L3MBTL1: variants seen among roughly 807,000 people sequenced by gnomAD.
The protein encoded by L3MBTL1 is lethal(3)malignant brain tumor-like protein 1.
In L3MBTL1, 75 loss-of-function variants were observed where a neutral mutation model predicts 105.3. That is an observed-to-expected ratio of 0.71 (90% CI 0.59 to 0.86). The LOEUF (loss-of-function observed/expected upper bound fraction) is 0.86. L3MBTL1 is among the 40% of genes least tolerant of loss of function. The pLI is 0.00. For missense variants in L3MBTL1, 1,069 were observed against 1,126.4 expected, an observed-to-expected ratio of 0.95 and a Z score of 0.73; for synonymous variants, 452 against 436.2, an observed-to-expected ratio of 1.04 and a Z score of -0.45.
chr20:43,516,249 G>A (rs1327255754), intron 7 of L3MBTL1, 72 bp downstream of exon 7: 2 of 1,123,950 alleles, frequency 1.8e-6, no homozygotes, highest in East Asian at 2.5e-5. Flanking sequence ...GGCTGAGAAT[G>A]TGGGTTATGA....
intron 1 of L3MBTL1, among the ~76,000 whole-genome samples, chr20:43,509,646 T>C (rs1169321949): frequency 1.3e-5 from 2 of 152,266 alleles, no homozygotes; most frequent in Non-Finnish European, 2.9e-5. Context: ...GTCATGTTTG[T>C]GACTGTAACC....
chr20:43,540,000 G>C (rs933400005), intron 19 of L3MBTL1, 151 bp from the exon 20 acceptor site: 1 of 805,090 alleles, frequency 1.2e-6, no homozygotes, highest in African/African-American at 1.7e-5. Context: ...AGGAGATACG[G>C]CTCACCCTCT....
Position 43,514,752 on chromosome 20 carries a change from G to C in L3MBTL1, c.478G>C (p.Gly160Arg), listed in dbSNP as rs1274284658. ...AGATGGCGGGGCCCCGGCGGGAGAT[G>C]GCGAGGCGGGCCCCCAACAGGCGGG... ...YEDGGAPAGD[G>R]EAGPQQAEDH... The change falls in exon 4 of 22, where the codon GGC becomes CGC. Residue 160 changes from glycine (G) to arginine (R), a missense_variant. By Grantham distance (125) the Gly-to-Arg change is moderately radical. Transcript: ENST00000418998. 6.4e-6 allele frequency: 10 copies of C among 1,559,266 alleles called. No individual in the cohort carries two copies. The highest frequency in any genetic ancestry group is 8.7e-6 in the Non-Finnish European group (10 of 1,151,422).
rs1568917177 is a variant in L3MBTL1, at chr20:43,513,968, G to C, written c.267G>C (p.Gln89His). Residue 89 changes from glutamine to histidine, a missense_variant, in exon 3 of 22, where the codon CAG becomes CAC. By Grantham distance (24) the Gln-to-His change is conservative. Transcript: ENST00000418998. Reference sequence around the variant, plus strand: ...CAGTTTCTGCCACCGTCCTGCCGCAGCTTAGCGCCGGGCCGGCCAGCTCCA... The same window carrying C: ...CAGTTTCTGCCACCGTCCTGCCGCACCTTAGCGCCGGGCCGGCCAGCTCCA... ...CEPVSATVLP[Q>H]LSAGPASSST... 1 of 1,548,192 alleles carries C rather than the reference G, an allele frequency of 6.5e-7. No homozygotes were observed. The highest frequency in any genetic ancestry group is 8.7e-7 in the Non-Finnish European group (1 of 1,146,938).
chr20:43,530,832 C>G lies in L3MBTL1; in HGVS notation c.1227C>G (p.Tyr409Ter). The change falls in exon 11 of 22, where the codon TAC (tyrosine) becomes TAG (stop). Residue 409 changes from tyrosine (Y) to a stop codon, truncating the protein, a stop_gained. Transcript: ENST00000418998. LOFTEE classifies it high-confidence loss of function. ...AGGAGGAGTTCAGCTGGAGCCAGTA[C>G]CTGCGCAGCACAAGAGCTCAGGCTG... ...YKEEEFSWSQ[Y>*]LRSTRAQAAP... 1 of 1,614,214 alleles carries G rather than the reference C, an allele frequency of 6.2e-7. No individual in the cohort carries two copies. Among genetic ancestry groups the G allele is most frequent in the Non-Finnish European group, 8.5e-7 (1 of 1,180,036 alleles).
intron 1 of L3MBTL1, among the ~76,000 whole-genome samples, chr20:43,509,891 T>C (rs560714929): frequency 6.6e-6 from 1 of 152,244 alleles, no homozygotes; most frequent in South Asian, 2.1e-4. Context: ...TGAGACAGGG[T>C]CTCATTTTGT....
intron 7 of L3MBTL1, among the ~76,000 whole-genome samples, chr20:43,517,396 T>C (rs2145392827): frequency 6.6e-6 from 1 of 152,230 alleles, no homozygotes; most frequent in East Asian, 1.9e-4. Context: ...ACCCAGCCTT[T>C]TTTTTAATTT....
At chr20:43,509,385 C>T (rs2018074567) in intron 1 of L3MBTL1, among the ~76,000 whole-genome samples, 1 of 152,080 alleles carries the variant, frequency 6.6e-6, no homozygotes, top group Non-Finnish European at 1.5e-5. Flanking sequence ...CCACCATGTT[C>T]AGCTAATTTT....
intron 7 of L3MBTL1, among the ~76,000 whole-genome samples, chr20:43,519,223 G>A (rs994959351): frequency 6.6e-6 from 1 of 151,440 alleles, no homozygotes; most frequent in African/African-American, 2.4e-5. Context: ...TGTGGTCCCA[G>A]CTACTCGGGA....
rs756346280 is a variant in L3MBTL1, at chr20:43,513,994, G to C, written c.293G>C (p.Ser98Thr). ...CTTAGCGCCGGGCCGGCCAGCTCCAGCACCAGCACAGTGCGGCTTCTGGAA... is the reference window on the plus strand; with the variant it reads ...CTTAGCGCCGGGCCGGCCAGCTCCACCACCAGCACAGTGCGGCTTCTGGAA... ...PQLSAGPASS[S>T]TSTVRLLEWT... is the part of the protein sequence containing the mutation. The change falls in exon 3 of 22, where the codon AGC becomes ACC. Residue 98 changes from serine to threonine, a missense_variant. Physicochemically the swap from Ser to Thr is moderately conservative, Grantham distance 58. Coordinates refer to ENST00000418998, the MANE Select transcript of L3MBTL1 (RefSeq NM_001377303.1). The C allele has an allele frequency of 1.9e-6, 3 of 1,543,964 alleles. No homozygotes were observed. In the South Asian group the frequency reaches 3.6e-5, roughly 18 times the overall value.
At chr20:43,514,088 C>T in intron 3 of L3MBTL1, 27 bp downstream of exon 3, 1 of 1,512,772 alleles carries the variant, frequency 6.6e-7, no homozygotes, top group Non-Finnish European at 8.9e-7. Context: ...ATTGGCTAAG[C>T]CTCGTAAACC....
Position 43,515,366 on chromosome 20 carries a change from GCAGGGAATACCAGAGCC to G in L3MBTL1, c.731_747del (p.Arg244IlefsTer26). On this transcript the variant is annotated frameshift_variant, in exon 6 of 22. Coordinates refer to ENST00000418998, the MANE Select transcript of L3MBTL1 (RefSeq NM_001377303.1). LOFTEE classifies it high-confidence loss of function. ...CTCAAACCCATGAAGAAGAGGAAGC[GCAGGGAATACCAGAGCC>G]CATCAGAGGAGGAGTCGGAGCCAGA... 1 of 1,564,456 alleles carries G rather than the reference GCAGGGAATACCAGAGCC, an allele frequency of 6.4e-7. No homozygotes were observed. Among genetic ancestry groups the G allele is most frequent in the African/African-American group, 1.4e-5 (1 of 73,942 alleles).
In L3MBTL1 at chr20:43,515,003, C is replaced by T. The variant is rs768053798; in HGVS notation, c.503-6C>T. On this transcript the variant is annotated splice_region_variant and splice_polypyrimidine_tract_variant and intron_variant, in intron 4 of 21. Coordinates refer to ENST00000418998, the MANE Select transcript of L3MBTL1 (RefSeq NM_001377303.1). ...GGGAGGCCTGAGGCCCATTTGGCCC[C>T]CGCAGAGGACCACCCCCAGAATCCT... 5 of 1,613,138 alleles carry T rather than the reference C, an allele frequency of 3.1e-6. No homozygotes were observed. The South Asian group carries it at 5.5e-5, about 18-fold the overall frequency.
chr20:43,514,721 A>G lies in L3MBTL1; in HGVS notation c.447A>G (p.Glu149=). 2 of 1,579,360 alleles carry G rather than the reference A, an allele frequency of 1.3e-6. No homozygotes were observed. Among genetic ancestry groups the G allele is most frequent in the Non-Finnish European group, 8.6e-7 (1 of 1,162,856 alleles). The change falls in exon 4 of 22, where the codon GAA becomes GAG. Residue 149 remains glutamate, a synonymous_variant. Coordinates refer to ENST00000418998, the MANE Select transcript of L3MBTL1 (RefSeq NM_001377303.1). ...AGCTGCGGCAGGAAGGCGTGACCGA[A>G]TACGAAGATGGCGGGGCCCCGGCGG... ...SPELRQEGVT[E]YEDGGAPAGD...
At chr20:43,533,043 C>T (rs1433724092) in intron 12 of L3MBTL1, 119 bp downstream of exon 12, 6 of 975,166 alleles carry the variant, frequency 6.2e-6, no homozygotes, top group Non-Finnish European at 9.3e-6. Flanking sequence ...AGATCTTCCT[C>T]CGGTTGGAAG....
At chr20:43,528,370 C>T (rs2019141761) in intron 7 of L3MBTL1, among the ~76,000 whole-genome samples, 1 of 152,192 alleles carries the variant, frequency 6.6e-6, no homozygotes, top group Non-Finnish European at 1.5e-5. Flanking sequence ...GTGGCTGAGA[C>T]TTTGTAACTT....
At chr20:43,533,045 G>C in intron 12 of L3MBTL1, 121 bp downstream of exon 12, 1 of 952,890 alleles carries the variant, frequency 1.0e-6, no homozygotes, top group Non-Finnish European at 1.6e-6. Context: ...ATCTTCCTCC[G>C]GTTGGAAGAT....
intron 7 of L3MBTL1, among the ~76,000 whole-genome samples, chr20:43,527,788 C>G (rs1342497082): frequency 6.6e-6 from 1 of 151,362 alleles, no homozygotes; most frequent in African/African-American, 2.4e-5. Flanking sequence ...GGCATGTTCT[C>G]GGCTCACTGC....
intron 3 of L3MBTL1, 72 bp downstream of exon 3, chr20:43,514,133 T>C (rs2018227982): frequency 1.5e-6 from 2 of 1,313,306 alleles, no homozygotes; most frequent in Non-Finnish European, 2.1e-6. Flanking sequence ...GCCCGGAGGC[T>C]GGACCTGAGA....
Sources: gnomAD v4.1 joint callset for allele counts (sites outside exome capture counted in the v4.1 genomes callset) on GRCh38, gnomAD v4.1.1 for gene constraint, MANE v1.5 for transcripts, NCBI Gene and HGNC (gene_info 2026-07-23, HGNC 2026-07-21) for gene names.